The following ALDH9A1 variants were observed in gnomAD, a reference collection of about 807,000 sequenced individuals.
The protein encoded by ALDH9A1 is 4-trimethylaminobutyraldehyde dehydrogenase.
A neutral mutation model predicts 56.6 loss-of-function variants in ALDH9A1; 42 were observed. The ratio of observed to expected loss-of-function variants is 0.74; its 90% CI spans 0.58 to 0.96. The LOEUF is 0.96. Ranked by LOEUF, ALDH9A1 falls within the 40% of genes least tolerant of loss-of-function variation. ALDH9A1 has a pLI of 0.00. For synonymous variants in ALDH9A1, 242 were observed against 236.0 expected (o/e 1.03, Z -0.23); for missense variants, 661 against 651.5 (o/e 1.01, Z -0.16).
chr1:165,687,340 G>C (rs1218818322), intron 2 of ALDH9A1, among the ~76,000 whole-genome samples: 1 of 150,174 alleles, frequency 6.7e-6, no homozygotes, highest in Non-Finnish European at 1.5e-5. Context: ...TTTTCCAAAT[G>C]AAACAAATTT....
At chr1:165,673,036 ATTAGG>A (rs1649232175) in intron 6 of ALDH9A1, among the ~76,000 whole-genome samples, 1 of 143,736 alleles carries the variant, frequency 7.0e-6, no homozygotes, top group Non-Finnish European at 1.5e-5. Context: ...TAAATTTTAC[ATTAGG>A]CTTTACCATA....
At chr1:165,669,519 C>T (rs541163008) in intron 6 of ALDH9A1, 69 bp from the exon 7 acceptor site, 3 of 1,362,442 alleles carry the variant, frequency 2.2e-6, no homozygotes, top group South Asian at 3.0e-5. Flanking sequence ...GAAAAATGAA[C>T]ACAATCTAAA....
At chr1:165,685,956 G>A (rs1649695894) in intron 2 of ALDH9A1, among the ~76,000 whole-genome samples, 1 of 152,100 alleles carries the variant, frequency 6.6e-6, no homozygotes, top group Non-Finnish European at 1.5e-5. Flanking sequence ...TACTTCACAA[G>A]GGGTCTCCAA....
rs531898303 is a variant in ALDH9A1, at chr1:165,686,955, T to C, written c.328-3845A>G. On this transcript the variant is annotated intron_variant, in intron 2 of 10. Transcript: ENST00000354775. ...AGTTATGATAGCTATACTCCGTATG[T>C]TCAAGAAGGCACAGAAAAACATAAG... Among the ~76,000 whole-genome samples the C allele has an allele frequency of 2.4e-4, 36 of 152,220 alleles. 1 individual carries two copies. In the South Asian group the frequency reaches 4.3e-3, roughly 18 times the overall value.
intron 6 of ALDH9A1, among the ~76,000 whole-genome samples, chr1:165,672,338 G>T (rs1255267908): frequency 6.6e-6 from 1 of 152,160 alleles, no homozygotes; most frequent in Admixed American, 6.5e-5. Flanking sequence ...AAAAAGGAAA[G>T]AAATTTTGAC....
In ALDH9A1 at chr1:165,663,064, C is replaced by G; in HGVS notation, c.1543G>C (p.Glu515Gln). ...KTVCVEMGDV[E>Q]SAF Reference sequence around the variant, plus strand: ...ACTGCAGGTTTTCAAAAAGCAGATTCCACATCACCCATCTCCACACACACA... The same window carrying G: ...ACTGCAGGTTTTCAAAAAGCAGATTGCACATCACCCATCTCCACACACACA... Residue 515 changes from glutamate (E) to glutamine (Q), a missense_variant, in exon 11 of 11, where the codon GAA (glutamate) becomes CAA (glutamine). Coordinates refer to ENST00000354775, the MANE Select transcript of ALDH9A1 (RefSeq NM_000696.4). 1 of 1,613,996 alleles carries G rather than the reference C, an allele frequency of 6.2e-7. No homozygotes were observed. Among genetic ancestry groups the G allele is most frequent in the South Asian group, 1.1e-5 (1 of 91,078 alleles).
intron 6 of ALDH9A1, chr1:165,676,898 T>C (rs954509176): frequency 6.5e-5 from 15 of 231,684 alleles, no homozygotes; most frequent in African/African-American, 3.0e-4. Flanking sequence ...TTTAATTGTG[T>C]CCTAACTCAT....
chr1:165,675,658 T>C (rs1388835988), intron 6 of ALDH9A1, among the ~76,000 whole-genome samples: 2 of 152,042 alleles, frequency 1.3e-5, no homozygotes, highest in African/African-American at 2.4e-5. Context: ...TTTTGCCTAA[T>C]CAAAATAAAA....
Position 165,663,138 on chromosome 1 carries a change from C to A in ALDH9A1, c.1469G>T (p.Gly490Val). 1 of 1,613,810 alleles carries A rather than the reference C, an allele frequency of 6.2e-7. No homozygotes were observed. Among genetic ancestry groups the A allele is most frequent in the South Asian group, 1.1e-5 (1 of 91,076 alleles). The change falls in exon 11 of 11, where the codon GGC becomes GTC. Residue 490 changes from glycine to valine, a missense_variant. Transcript: ENST00000354775. ...PFGGYKKSGF[G>V]RENGRVTIEY... Reference sequence around the variant, plus strand: ...GATTGTCACACGGCCGTTCTCTCTGCCAAATCCTGAAAGGAGGAGAAGGGG... The same window carrying A: ...GATTGTCACACGGCCGTTCTCTCTGACAAATCCTGAAAGGAGGAGAAGGGG...
chr1:165,696,751 C>G (rs1296076205), intron 1 of ALDH9A1, among the ~76,000 whole-genome samples: 1 of 152,200 alleles, frequency 6.6e-6, no homozygotes, highest in African/African-American at 2.4e-5. Context: ...TCCTGGGACT[C>G]TTTCCAGGGA....
At chr1:165,665,367 G>C (rs1648976426) in intron 9 of ALDH9A1, among the ~76,000 whole-genome samples, 1 of 152,100 alleles carries the variant, frequency 6.6e-6, no homozygotes, top group Admixed American at 6.5e-5. Context: ...ATTCAATGGA[G>C]GAAAAACAGT....
Position 165,698,379 on chromosome 1 carries a change from G to T in ALDH9A1, c.180C>A (p.Thr60=). The T allele has an allele frequency of 6.3e-7, 1 of 1,590,718 alleles. No homozygotes were observed. The highest frequency in any genetic ancestry group is 8.5e-7 in the Non-Finnish European group (1 of 1,170,550). The change falls in exon 1 of 11, where the codon ACC becomes ACA. Residue 60 remains threonine, a splice_region_variant and synonymous_variant. Coordinates refer to ENST00000354775, the MANE Select transcript of ALDH9A1 (RefSeq NM_000696.4). ...SGTEKAFEPA[T]GRVIATFTCS... is the part of the protein sequence containing the mutation. ...GCCTCCCCGGCTCGTTGCAGTTACCGGTTGCTGGCTCGAAAGCTTTCTCGG... is the reference window on the plus strand; with the variant it reads ...GCCTCCCCGGCTCGTTGCAGTTACCTGTTGCTGGCTCGAAAGCTTTCTCGG...
chr1:165,677,136 G>C (rs541378395), intron 6 of ALDH9A1, among the ~76,000 whole-genome samples: 47 of 152,192 alleles, frequency 3.1e-4, no homozygotes, highest in Non-Finnish European at 6.0e-4. Flanking sequence ...ACTTTGGGAG[G>C]CCGAGGCATT....
Position 165,669,419 on chromosome 1 carries a change from T to G in ALDH9A1, c.962A>C (p.Gln321Pro). Residue 321 changes from glutamine to proline, a missense_variant, in exon 7 of 11, where the codon CAG becomes CCG. Physicochemically the swap from Gln to Pro is moderately conservative, Grantham distance 76 (BLOSUM62 -1). Coordinates refer to ENST00000354775, the MANE Select transcript of ALDH9A1 (RefSeq NM_000696.4). The part of the protein sequence containing the change: ...VCCNGTRVFV[Q>P]KEILDKFTEE... The stretch of plus-strand genomic sequence containing the variant: ...TGTAAATTTATCAAGAATTTCTTTC[T>G]GCACAAATACTCTTGTGCCATTACA... 6.2e-7 allele frequency: 1 copy of G among 1,613,818 alleles called. No homozygotes were observed.
intron 2 of ALDH9A1, among the ~76,000 whole-genome samples, chr1:165,687,912 C>T (rs572470980): frequency 1.1e-4 from 16 of 151,858 alleles, no homozygotes; most frequent in South Asian, 4.2e-4. Flanking sequence ...CACTTGAACC[C>T]GGGAGGCGGA....
In ALDH9A1 at chr1:165,683,309, TAATC is replaced by T. The variant is rs983472992; in HGVS notation, c.328-203_328-200del. 5.1e-5 allele frequency among the ~76,000 whole-genome samples: 7 copies of T among 136,706 alleles called. 1 individual carries two copies. In the Admixed American group the frequency reaches 5.3e-4, roughly 10 times the overall value. The allele number at this position is 136,706 out of a possible 152,430, so 89.7% of individuals were successfully genotyped here. On this transcript the variant is annotated intron_variant, in intron 2 of 10. Transcript: ENST00000354775. ...GCAGCCCTGTTCTTCCCTCGTTAAT[TAATC>T]GACAAAGATTTAAGACCACTACTTT... is the stretch of plus-strand genomic sequence containing the variant.
At chr1:165,692,496 C>T (rs888432090) in intron 2 of ALDH9A1, among the ~76,000 whole-genome samples, 55 of 152,230 alleles carry the variant, frequency 3.6e-4, no homozygotes, top group Admixed American at 1.8e-3. Context: ...ACCCAGGAAT[C>T]CAACTTACAA....
chr1:165,687,797 G>A (rs1649758852), intron 2 of ALDH9A1, among the ~76,000 whole-genome samples: 1 of 152,006 alleles, frequency 6.6e-6, no homozygotes, highest in South Asian at 2.1e-4. Context: ...AGACCAGCCT[G>A]GCCAACATGG....
In ALDH9A1 at chr1:165,675,645, GTGTTT is replaced by G. The variant is rs577556960; in HGVS notation, c.930+3792_930+3796del. 4.9e-3 allele frequency among the ~76,000 whole-genome samples: 753 copies of G among 152,256 alleles called. 6 individuals are homozygous for G. Among genetic ancestry groups the G allele is most frequent in the Non-Finnish European group, 7.2e-3 (488 of 68,028 alleles). On this transcript the variant is annotated intron_variant, in intron 6 of 10. Transcript: ENST00000354775. ...AATTCTGATGTTTAGAACCATGTTT[GTGTTT>G]TGCCTAATCAAAATAAAATTTTAAA...
Sources: gnomAD v4.1 joint callset for allele counts (sites outside exome capture counted in the v4.1 genomes callset) on GRCh38, gnomAD v4.1.1 for gene constraint, MANE v1.5 for transcripts, NCBI Gene and HGNC (gene_info 2026-07-23, HGNC 2026-07-21) for gene names.